The following UQCC1 variants were observed in gnomAD, a reference collection of about 807,000 sequenced individuals.
The protein encoded by UQCC1 is ubiquinol-cytochrome c reductase complex assembly factor 1.
In UQCC1, 38 loss-of-function variants were observed where a neutral mutation model predicts 48.0. The observed-to-expected ratio is 0.79, with a 90% CI of 0.61 to 1.04. The LOEUF (loss-of-function observed/expected upper bound fraction) is 1.04, where lower values mean the gene tolerates loss of function less well. UQCC1 is among the 50% of genes least tolerant of loss of function. The pLI is 0.00. For missense variants in UQCC1, 368 were observed against 381.8 expected, an observed-to-expected ratio of 0.96 and a Z score of 0.30; for synonymous variants, 111 against 129.2, an observed-to-expected ratio of 0.86 and a Z score of 0.95.
chr20:35,403,367 C>T (rs1299148153), intron 1 of UQCC1, among the ~76,000 whole-genome samples: 2 of 152,180 alleles, frequency 1.3e-5, no homozygotes, highest in Non-Finnish European at 2.9e-5. Flanking sequence ...ATATTTCCTA[C>T]CCACGTCCTG....
intron 7 of UQCC1, among the ~76,000 whole-genome samples, chr20:35,332,064 C>A (rs2061264094): frequency 6.6e-6 from 1 of 152,230 alleles, no homozygotes; most frequent in African/African-American, 2.4e-5. Flanking sequence ...CTATGTCTGT[C>A]TGGCTCCAAA....
chr20:35,324,644 T>C (rs1285260942), intron 7 of UQCC1, among the ~76,000 whole-genome samples: 1 of 152,220 alleles, frequency 6.6e-6, no homozygotes, highest in Non-Finnish European at 1.5e-5. Context: ...TAATTCCATT[T>C]ACACCCACTA....
At chr20:35,347,407 T>C in intron 6 of UQCC1, 135 bp from the exon 7 acceptor site, 1 of 988,494 alleles carries the variant, frequency 1.0e-6, no homozygotes, top group East Asian at 2.5e-5. Context: ...CTTTTTTTTT[T>C]TAAACTTTTA....
chr20:35,353,551 G>C (rs1416428904), intron 6 of UQCC1, among the ~76,000 whole-genome samples: 2 of 152,114 alleles, frequency 1.3e-5, no homozygotes, highest in African/African-American at 4.8e-5. Context: ...AGCACTTTGG[G>C]AGGCCAAGGT....
intron 4 of UQCC1, among the ~76,000 whole-genome samples, chr20:35,375,675 G>A (rs527838436): frequency 6.6e-6 from 1 of 152,320 alleles, no homozygotes; most frequent in East Asian, 1.9e-4. Context: ...GCCAGGCCAG[G>A]CATGGTGGCT....
At chr20:35,375,616 T>C (rs2061787027) in intron 4 of UQCC1, among the ~76,000 whole-genome samples, 1 of 151,670 alleles carries the variant, frequency 6.6e-6, no homozygotes, top group Admixed American at 6.6e-5. Context: ...ATAGTAAAGA[T>C]CAGAAATCAA....
chr20:35,344,636 T>C (rs2061413758), intron 7 of UQCC1: 1 of 152,268 alleles, frequency 6.6e-6, no homozygotes, highest in Admixed American at 6.5e-5. Flanking sequence ...CTTGAGGGCA[T>C]GTGGGAACAT....
intron 7 of UQCC1, among the ~76,000 whole-genome samples, chr20:35,341,856 G>C (rs140139071): frequency 1.3e-3 from 201 of 152,254 alleles, no homozygotes; most frequent in Admixed American, 2.2e-3. Context: ...AGCAAGGATG[G>C]AATGTGATGT....
At chr20:35,307,398 G>C (rs2060941475) in intron 8 of UQCC1, among the ~76,000 whole-genome samples, 1 of 152,254 alleles carries the variant, frequency 6.6e-6, no homozygotes, top group East Asian at 1.9e-4. Flanking sequence ...CTCAGAGCTT[G>C]CATGTGTGTG....
At chr20:35,348,039 T>C (rs1462516935) in intron 6 of UQCC1, among the ~76,000 whole-genome samples, 1 of 152,214 alleles carries the variant, frequency 6.6e-6, no homozygotes, top group Non-Finnish European at 1.5e-5. Flanking sequence ...AATTATCCAA[T>C]TGTTTCCCCC....
chr20:35,385,795 C>T (rs561763194), intron 2 of UQCC1, among the ~76,000 whole-genome samples: 5 of 151,746 alleles, frequency 3.3e-5, no homozygotes, highest in African/African-American at 7.3e-5. Flanking sequence ...AATGGGACTA[C>T]AGGCATGAGC....
At chr20:35,334,005 T>C (rs923559342) in intron 7 of UQCC1, among the ~76,000 whole-genome samples, 4 of 152,178 alleles carry the variant, frequency 2.6e-5, no homozygotes, top group African/African-American at 9.7e-5. Context: ...CTTCCATATA[T>C]GCTTCTAGGT....
chr20:35,341,218 C>CAA (rs61675932), intron 7 of UQCC1, among the ~76,000 whole-genome samples: 1,369 of 115,734 alleles, frequency 0.012, 16 homozygotes, highest in African/African-American at 0.044. Flanking sequence ...GAGACTCCGT[C>CAA]AAAAAAAAAA....
chr20:35,403,449 C>A (rs1286852643), intron 1 of UQCC1, among the ~76,000 whole-genome samples: 1 of 152,130 alleles, frequency 6.6e-6, no homozygotes, highest in African/African-American at 2.4e-5. Context: ...TAAATAGCAA[C>A]AACCACTAAA....
intron 1 of UQCC1, among the ~76,000 whole-genome samples, chr20:35,397,312 G>A (rs141751813): frequency 0.024 from 3,694 of 151,542 alleles, 144 homozygotes; most frequent in African/African-American, 0.086. Flanking sequence ...TCAGGAGATC[G>A]AGACCATCGT....
chr20:35,304,366 G>A (rs1160797711), intron 9 of UQCC1, among the ~76,000 whole-genome samples: 1 of 152,104 alleles, frequency 6.6e-6, no homozygotes, highest in Non-Finnish European at 1.5e-5. Flanking sequence ...CCAAGGACAC[G>A]TCTCCCCTAC....
intron 7 of UQCC1, among the ~76,000 whole-genome samples, chr20:35,333,032 A>G (rs2061274869): frequency 6.6e-6 from 1 of 152,036 alleles, no homozygotes; most frequent in Non-Finnish European, 1.5e-5. Flanking sequence ...TTCACTCATA[A>G]TTACTTATAT....
At position 35,303,201 on chromosome 20, in the gene UQCC1, G is replaced by A. The variant is rs3764732; in HGVS notation, c.*734C>T. The A allele has an allele frequency of 0.083, 12,633 of 152,260 alleles. 699 individuals are homozygous for A. Among genetic ancestry groups the A allele is most frequent in the South Asian group, 0.21 (1,006 of 4,832 alleles). 9.4% of individuals were successfully genotyped at this position (152,260 alleles called of 1,614,324 possible). ...GTGACAAAGGTGACTTTGTTCTCAAGGCCTCCTTCCAAATGACTTAGGATG... is the reference window on the plus strand; with the variant it reads ...GTGACAAAGGTGACTTTGTTCTCAAAGCCTCCTTCCAAATGACTTAGGATG... On this transcript the variant is annotated 3_prime_UTR_variant, in exon 10 of 10. Transcript: ENST00000374385.
chr20:35,385,661 C>A (rs928453279), intron 2 of UQCC1, among the ~76,000 whole-genome samples: 15 of 152,000 alleles, frequency 9.9e-5, no homozygotes, highest in South Asian at 6.2e-4. Flanking sequence ...GTCATCACAC[C>A]CTGCTGATTT....
Sources: allele counts gnomAD v4.1 joint callset (sites outside exome capture counted in the v4.1 genomes callset), GRCh38; gene constraint gnomAD v4.1.1; transcripts MANE v1.5; gene names NCBI Gene and HGNC (gene_info 2026-07-23, HGNC 2026-07-21).